Variants in LAMA2 observed in about 807,000 individuals in gnomAD.
LAMA2 encodes laminin subunit alpha 2, also known as laminin subunit alpha-2.
Under a neutral mutation model 364.8 loss-of-function variants are expected in LAMA2, and 269 were observed. The observed-to-expected ratio is 0.74, with a 90% CI of 0.67 to 0.82. The LOEUF is 0.82. Ranked by LOEUF, LAMA2 falls within the 40% of genes least tolerant of loss-of-function variation. The pLI is 0.00. For missense variants in LAMA2, 3,807 were observed against 3,873.2 expected, an observed-to-expected ratio of 0.98 and a Z score of 0.45; for synonymous variants, 1,379 against 1,370.6, an observed-to-expected ratio of 1.01 and a Z score of -0.14.
intron 12 of LAMA2, among the ~76,000 whole-genome samples, chr6:129,228,093 A>G (rs1416394179): frequency 1.3e-5 from 2 of 152,180 alleles, no homozygotes; most frequent in Non-Finnish European, 1.5e-5. Context: ...TGGGCTAGCA[A>G]TGAACAAGGC....
chr6:129,183,532 C>G (rs1343582614), intron 10 of LAMA2, among the ~76,000 whole-genome samples: 1 of 151,858 alleles, frequency 6.6e-6, no homozygotes, highest in Non-Finnish European at 1.5e-5. Flanking sequence ...CCAGAATGTT[C>G]TTGAGTTTCA....
chr6:129,108,469 A>G (rs1200985331), intron 4 of LAMA2, among the ~76,000 whole-genome samples: 1 of 152,162 alleles, frequency 6.6e-6, no homozygotes, highest in Non-Finnish European at 1.5e-5. Context: ...CATTGCTTCT[A>G]CATGGCAATA....
At chr6:129,333,636 G>A (rs1185804727) in intron 29 of LAMA2, among the ~76,000 whole-genome samples, 1 of 152,044 alleles carries the variant, frequency 6.6e-6, no homozygotes, top group Non-Finnish European at 1.5e-5. Context: ...TCTTGCTTTA[G>A]TATGCTATTT....
At chr6:129,494,195 G>A (rs1785031730) in intron 58 of LAMA2, among the ~76,000 whole-genome samples, 1 of 152,154 alleles carries the variant, frequency 6.6e-6, no homozygotes, top group African/African-American at 2.4e-5. Flanking sequence ...TAATGGGTGG[G>A]CAATGTTGTC....
intron 1 of LAMA2, among the ~76,000 whole-genome samples, chr6:128,987,136 T>TG (rs1783301743): frequency 1.9e-5 from 2 of 105,066 alleles, no homozygotes; most frequent in African/African-American, 2.8e-5. Context: ...GTTTTTTTTT[T>TG]TTTGTTTTTT....
chr6:129,192,705 T>A lies in LAMA2; in HGVS notation c.1634T>A (p.Leu545Gln), dbSNP rs118083923. The A allele has an allele frequency of 5.2e-3, 8,458 of 1,614,186 alleles. 33 individuals carry two copies. The highest frequency in any genetic ancestry group is 6.2e-3 in the Non-Finnish European group (7,353 of 1,180,002). The change falls in exon 12 of 65, where the codon CTG becomes CAG. Residue 545 changes from leucine to glutamine, a missense_variant. By Grantham distance (113) the Leu-to-Gln change is moderately radical (BLOSUM62 -2). Around this residue, in one of 3 missense-constraint regions of LAMA2, gnomAD observed 3,333 missense variants for 3,345.7 expected, o/e 1.00. Coordinates refer to ENST00000421865, the MANE Select transcript of LAMA2 (RefSeq NM_000426.4). ...ATACAAGATATGAGTGGCTGGTATC[T>A]GACTGACCTTCCTGGCCGCATTCGA... is the stretch of plus-strand genomic sequence containing the variant. ...GKIQDMSGWY[L>Q]TDLPGRIRVA... is the part of the protein sequence containing the mutation.
intron 2 of LAMA2, among the ~76,000 whole-genome samples, chr6:129,053,118 G>T (rs937637083): frequency 3.3e-5 from 5 of 152,094 alleles, no homozygotes; most frequent in African/African-American, 7.2e-5. Flanking sequence ...TGCTCTTGTT[G>T]CCCAGGCTGG....
At chr6:128,939,910 T>A (rs1780054111) in intron 1 of LAMA2, among the ~76,000 whole-genome samples, 1 of 152,184 alleles carries the variant, frequency 6.6e-6, no homozygotes, top group African/African-American at 2.4e-5. Context: ...TTCTTTCTTC[T>A]TTCTTGCCCA....
chr6:129,463,598 G>T (rs973063268), intron 49 of LAMA2, among the ~76,000 whole-genome samples: 2 of 151,964 alleles, frequency 1.3e-5, no homozygotes, highest in African/African-American at 4.8e-5. Context: ...GTATTCACAA[G>T]ACTTATCTTA....
intron 22 of LAMA2, among the ~76,000 whole-genome samples, chr6:129,312,076 C>T (rs1210541542): frequency 6.8e-6 from 1 of 147,844 alleles, no homozygotes; most frequent in Non-Finnish European, 1.5e-5. Context: ...AAAAACAAAT[C>T]TGAAGAAGAA....
At chr6:129,057,689 C>T (rs960676647) in intron 2 of LAMA2, among the ~76,000 whole-genome samples, 1 of 152,124 alleles carries the variant, frequency 6.6e-6, no homozygotes, top group African/African-American at 2.4e-5. Flanking sequence ...CAGTTACGTA[C>T]TAAGTGGTGG....
intron 20 of LAMA2, chr6:129,292,981 C>T (rs929273907): frequency 2.0e-6 from 2 of 985,854 alleles, no homozygotes; most frequent in East Asian, 1.1e-4. Context: ...CCGCGGAGAG[C>T]GCAACGGGTG....
rs765600723 is a variant in LAMA2, at chr6:129,403,834, G to T, written c.5740G>T (p.Ala1914Ser). The T allele has an allele frequency of 4.3e-6, 7 of 1,613,364 alleles. No homozygotes were observed. The South Asian group carries it at 6.6e-5, about 15-fold the overall frequency. The change falls in exon 40 of 65, where the codon GCT becomes TCT. Residue 1914 changes from alanine (A) to serine (S), a missense_variant. This residue lies in a region of LAMA2 where 3,333 missense variants were observed against 3,345.7 expected (regional missense o/e 1.00). Coordinates refer to ENST00000421865, the MANE Select transcript of LAMA2 (RefSeq NM_000426.4). ...TCATCCCACCAGAATCCTTGATGAG[G>T]CTAAAAACATCTCCTTCAATGCCAC... ...SAVLDGILDE[A>S]KNISFNATAA...
chr6:129,244,023 A>C (rs1255098435), intron 12 of LAMA2, among the ~76,000 whole-genome samples: 2 of 152,022 alleles, frequency 1.3e-5, no homozygotes, highest in African/African-American at 4.8e-5. Flanking sequence ...GAGGTTTTTT[A>C]TTTATATCCC....
intron 29 of LAMA2, among the ~76,000 whole-genome samples, chr6:129,334,770 C>T (rs1416266029): frequency 6.6e-6 from 1 of 152,134 alleles, no homozygotes; most frequent in Non-Finnish European, 1.5e-5. Flanking sequence ...CTGACCCCTT[C>T]TTTCTTTGTC....
At chr6:129,251,062 CTCTCTCTCTCTCTCTA>C (rs1317257898) in intron 13 of LAMA2, among the ~76,000 whole-genome samples, 7 of 71,244 alleles carry the variant, frequency 9.8e-5, no homozygotes, top group Admixed American at 1.7e-4. Flanking sequence ...CTCTCTCTCT[CTCTCTCTCTCTCTCTA>C]TATATATATA....
chr6:129,160,417 T>C (rs888379992), intron 8 of LAMA2, among the ~76,000 whole-genome samples: 1 of 152,140 alleles, frequency 6.6e-6, no homozygotes, highest in African/African-American at 2.4e-5. Context: ...TCTTGAAGTC[T>C]ATAGCATCTA....
intron 33 of LAMA2, 59 bp downstream of exon 33, chr6:129,366,420 G>A (rs543459897): frequency 4.1e-4 from 652 of 1,581,332 alleles, no homozygotes; most frequent in Non-Finnish European, 5.2e-4. Context: ...CTTCACAAGC[G>A]GTATTGGCTG....
intron 1 of LAMA2, among the ~76,000 whole-genome samples, chr6:129,021,355 G>C (rs564832825): frequency 6.6e-6 from 1 of 152,234 alleles, no homozygotes; most frequent in African/African-American, 2.4e-5. Flanking sequence ...ATTACAGAAA[G>C]GTAAATTATT....
Sources: gnomAD v4.1 joint callset for allele counts (sites outside exome capture counted in the v4.1 genomes callset) on GRCh38, gnomAD v4.1.1 for gene constraint, gnomAD v4.1.1 regional missense constraint, MANE v1.5 for transcripts, NCBI Gene and HGNC (gene_info 2026-07-23, HGNC 2026-07-21) for gene names.